The following RPS6KC1 variants were observed in gnomAD, a reference collection of about 807,000 sequenced individuals.
RPS6KC1 encodes the protein ribosomal protein S6 kinase C1, also known as inactive ribosomal protein S6 kinase delta-1.
In RPS6KC1, 54 loss-of-function variants were observed where a neutral mutation model predicts 103.8. The ratio of observed to expected loss-of-function variants is 0.52; its 90% CI spans 0.42 to 0.65. RPS6KC1 has a LOEUF of 0.65. Ranked by LOEUF, RPS6KC1 falls within the 30% of genes least tolerant of loss-of-function variation. The pLI, the probability that RPS6KC1 is intolerant of heterozygous loss-of-function variation, is 0.00. For missense variants in RPS6KC1, 1,151 were observed against 1,253.8 expected, an observed-to-expected ratio of 0.92 and a Z score of 1.24; for synonymous variants, 439 against 438.7, an observed-to-expected ratio of 1.00 and a Z score of -0.01.
At chr1:213,640,251 T>C in the RPS6KC1 span, among the ~76,000 whole-genome samples, 2 of 152,120 alleles carry the variant, frequency 1.3e-5, 1 homozygote, top group African/African-American at 4.8e-5. Context: ...ATATCCCCTA[T>C]TTCATTCCTG....
the RPS6KC1 span, among the ~76,000 whole-genome samples, chr1:213,561,833 G>T: frequency 6.6e-6 from 1 of 152,192 alleles, no homozygotes; most frequent in African/African-American, 2.4e-5. Flanking sequence ...TGAAATGGCA[G>T]AAGGGAAACT....
chr1:213,526,433 T>A, the RPS6KC1 span, among the ~76,000 whole-genome samples: 8 of 152,196 alleles, frequency 5.3e-5, no homozygotes, highest in African/African-American at 1.9e-4. Context: ...GCATGGCTGA[T>A]GTTTCACCCC....
At chr1:213,095,287 G>C (rs1201351457) in intron 3 of RPS6KC1, among the ~76,000 whole-genome samples, 1 of 152,144 alleles carries the variant, frequency 6.6e-6, no homozygotes, top group Non-Finnish European at 1.5e-5. Flanking sequence ...ATGAACTTTT[G>C]ATATAGTTAA....
At chr1:213,289,462 C>T in the RPS6KC1 span, among the ~76,000 whole-genome samples, 917 of 152,096 alleles carry the variant, frequency 6.0e-3, 9 homozygotes, top group African/African-American at 0.021. Flanking sequence ...GCAAGTGAAA[C>T]GGATTTATGA....
At chr1:213,218,358 A>T in intron 8 of RPS6KC1, among the ~76,000 whole-genome samples, 1 of 152,110 alleles carries the variant, frequency 6.6e-6, no homozygotes, top group East Asian at 1.9e-4. Flanking sequence ...CCACTGCTCA[A>T]TGAAATAAAA....
chr1:213,151,306 C>A (rs1474402691), intron 6 of RPS6KC1, among the ~76,000 whole-genome samples: 3 of 126,066 alleles, frequency 2.4e-5, no homozygotes, highest in Non-Finnish European at 3.4e-5. Flanking sequence ...GGCAGAGGCG[C>A]CCCTCACCTC....
At chr1:213,648,871 T>C in the RPS6KC1 span, among the ~76,000 whole-genome samples, 1 of 152,286 alleles carries the variant, frequency 6.6e-6, no homozygotes, top group South Asian at 2.1e-4. Flanking sequence ...GTTTAACCAC[T>C]TGTCTCATGC....
chr1:213,123,029 C>T (rs1322388720), intron 5 of RPS6KC1, among the ~76,000 whole-genome samples: 6 of 152,006 alleles, frequency 3.9e-5, no homozygotes. Flanking sequence ...TCATGGTATG[C>T]CATGGGAATC....
At chr1:213,548,395 G>T in the RPS6KC1 span, among the ~76,000 whole-genome samples, 6 of 152,348 alleles carry the variant, frequency 3.9e-5, no homozygotes, top group Non-Finnish European at 8.8e-5. Context: ...GGGAGTGGTG[G>T]CTCACGCCTG....
the RPS6KC1 span, among the ~76,000 whole-genome samples, chr1:213,545,709 C>T: frequency 6.6e-6 from 1 of 152,132 alleles, no homozygotes; most frequent in Non-Finnish European, 1.5e-5. Context: ...GGACACAATT[C>T]AACCCATATG....
intron 8 of RPS6KC1, among the ~76,000 whole-genome samples, chr1:213,209,695 C>CAAAAA (rs60840755): frequency 1.5e-4 from 8 of 54,142 alleles, no homozygotes; most frequent in Non-Finnish European, 1.9e-4. Flanking sequence ...AACTCCGTCT[C>CAAAAA]AAAAAAAAAA....
chr1:213,100,418 A>T (rs941663351), intron 3 of RPS6KC1, among the ~76,000 whole-genome samples: 4 of 152,126 alleles, frequency 2.6e-5, no homozygotes, highest in African/African-American at 9.7e-5. Flanking sequence ...TTTTATTATT[A>T]TCAGGAAATG....
In RPS6KC1 at chr1:213,146,323, G is replaced by C. The variant is rs900608851; in HGVS notation, c.835+16434G>C. Among the ~76,000 whole-genome samples, 10 of 151,614 alleles carry C rather than the reference G, an allele frequency of 6.6e-5. No individual in the cohort carries two copies. In the Admixed American group the frequency reaches 6.6e-4, roughly 10 times the overall value. On this transcript the variant is annotated intron_variant, in intron 6 of 14. Coordinates refer to ENST00000366960, the MANE Select transcript of RPS6KC1 (RefSeq NM_012424.6). Reference sequence around the variant, plus strand: ...GACACTTAGGTTGCTTCCAAATCTTGGCTATTGTAAATAGTGCTGCAGTAA... The same window carrying C: ...GACACTTAGGTTGCTTCCAAATCTTCGCTATTGTAAATAGTGCTGCAGTAA...
chr1:213,812,778 C>T, the RPS6KC1 span, among the ~76,000 whole-genome samples: 1 of 152,158 alleles, frequency 6.6e-6, no homozygotes, highest in African/African-American at 2.4e-5. Flanking sequence ...TGGTAGGCAG[C>T]TCCTCTTCCT....
At chr1:213,750,293 C>G in the RPS6KC1 span, among the ~76,000 whole-genome samples, 1 of 152,240 alleles carries the variant, frequency 6.6e-6, no homozygotes, top group African/African-American at 2.4e-5. Flanking sequence ...GTCTCATACA[C>G]TGGTCAGTTT....
At chr1:213,445,569 A>T in the RPS6KC1 span, among the ~76,000 whole-genome samples, 1 of 152,128 alleles carries the variant, frequency 6.6e-6, no homozygotes, top group African/African-American at 2.4e-5. Context: ...AGGGCAGGGG[A>T]CTTAGAGTGC....
chr1:213,465,956 T>G, the RPS6KC1 span, among the ~76,000 whole-genome samples: 3 of 152,102 alleles, frequency 2.0e-5, no homozygotes, highest in Non-Finnish European at 4.4e-5. Flanking sequence ...TTGCTCTTCT[T>G]CTTAGAGAAA....
the RPS6KC1 span, among the ~76,000 whole-genome samples, chr1:213,537,650 T>G: frequency 2.0e-5 from 3 of 152,094 alleles, no homozygotes; most frequent in African/African-American, 7.2e-5. Context: ...CTCTTGATAT[T>G]GTAGAAGTCA....
At chr1:213,626,694 C>T in the RPS6KC1 span, among the ~76,000 whole-genome samples, 592 of 152,256 alleles carry the variant, frequency 3.9e-3, 5 homozygotes, top group African/African-American at 0.013. Flanking sequence ...ATCCTTTCCC[C>T]GTTTCTTGTT....
Sources: gnomAD v4.1 joint callset for allele counts (sites outside exome capture counted in the v4.1 genomes callset) on GRCh38, gnomAD v4.1.1 for gene constraint, MANE v1.5 for transcripts, NCBI Gene and HGNC (gene_info 2026-07-23, HGNC 2026-07-21) for gene names.